Variants in SYT1 observed in about 807,000 individuals in gnomAD.
SYT1 encodes the protein synaptotagmin 1.
Under a neutral mutation model 44.8 loss-of-function variants are expected in SYT1, and 8 were observed. The ratio of observed to expected loss-of-function variants is 0.18; its 90% CI spans 0.10 to 0.32. The LOEUF (loss-of-function observed/expected upper bound fraction) is 0.32. SYT1 is among the 10% of genes least tolerant of loss of function. The pLI is 1.00. For synonymous variants in SYT1, 154 were observed against 188.8 expected, an observed-to-expected ratio of 0.82 and a Z score of 1.51; for missense variants, 286 against 509.3, an observed-to-expected ratio of 0.56 and a Z score of 4.22.
At chr12:78,992,526 G>A (rs1263377394) in intron 2 of SYT1, among the ~76,000 whole-genome samples, 1 of 152,202 alleles carries the variant, frequency 6.6e-6, no homozygotes, top group African/African-American at 2.4e-5. Context: ...ATTGCTTTGT[G>A]AAACTTTGTA....
intron 2 of SYT1, among the ~76,000 whole-genome samples, chr12:79,026,899 C>T (rs560291941): frequency 2.4e-4 from 36 of 150,926 alleles, no homozygotes; most frequent in Admixed American, 1.3e-3. Context: ...AAAAGATAAG[C>T]GATAACAAGT....
rs574099485 is a variant in SYT1 at position 79,291,271 on chromosome 12, T to C, written c.352-737T>C. Among the ~76,000 whole-genome samples the C allele has an allele frequency of 7.2e-5, 11 of 152,322 alleles. No individual in the cohort carries two copies. In the South Asian group the frequency reaches 1.0e-3, roughly 14 times the overall value. On this transcript the variant is annotated intron_variant, in intron 5 of 10. Transcript: ENST00000261205. ...TTCTTAAATACAAAACGAATTCTTA[T>C]GCCAATTTGTTTTTGACAGAACTGC... is the stretch of plus-strand genomic sequence containing the variant.
intron 9 of SYT1, among the ~76,000 whole-genome samples, chr12:79,384,897 T>C (rs1310562796): frequency 1.3e-5 from 2 of 152,178 alleles, no homozygotes; most frequent in Non-Finnish European, 2.9e-5. Context: ...CCCAAATCTT[T>C]GAATTATTGT....
chr12:79,198,745 A>G (rs1053149733), intron 3 of SYT1, among the ~76,000 whole-genome samples: 1 of 152,174 alleles, frequency 6.6e-6, no homozygotes, highest in Non-Finnish European at 1.5e-5. Flanking sequence ...AACAAGATGT[A>G]AGTGTGAAAA....
At position 79,322,537 on chromosome 12, in the gene SYT1, T is replaced by C. The variant is rs181968296; in HGVS notation, c.810+22986T>C. On this transcript the variant is annotated intron_variant, in intron 8 of 10. Transcript: ENST00000261205. ...CTTATGAGTGTATCAGTGAATATTATTAATATTGCCTCACATTTGCAGGAC... is the reference window on the plus strand; with the variant it reads ...CTTATGAGTGTATCAGTGAATATTACTAATATTGCCTCACATTTGCAGGAC... 1.8e-3 allele frequency among the ~76,000 whole-genome samples: 279 copies of C among 152,304 alleles called. 4 individuals are homozygous for C. The highest frequency in any genetic ancestry group is 1.0e-3 in the Non-Finnish European group (69 of 68,028).
chr12:79,382,281 A>G (rs915553703), intron 9 of SYT1, among the ~76,000 whole-genome samples: 2 of 152,182 alleles, frequency 1.3e-5, no homozygotes, highest in Non-Finnish European at 2.9e-5. Context: ...AGTGTGAAAG[A>G]GAGTGCTGCT....
At chr12:78,932,990 C>T (rs1219078468) in intron 1 of SYT1, among the ~76,000 whole-genome samples, 1 of 152,006 alleles carries the variant, frequency 6.6e-6, no homozygotes, top group Non-Finnish European at 1.5e-5. Context: ...CTTAAGACGT[C>T]CAAAAGTATA....
chr12:79,356,618 G>A (rs1883123702), intron 9 of SYT1, among the ~76,000 whole-genome samples: 2 of 152,172 alleles, frequency 1.3e-5, no homozygotes, highest in African/African-American at 2.4e-5. Flanking sequence ...AAATGCCAAA[G>A]TACATTTGCT....
intron 8 of SYT1, among the ~76,000 whole-genome samples, chr12:79,317,622 A>G (rs1231106730): frequency 6.6e-6 from 1 of 152,198 alleles, no homozygotes; most frequent in Non-Finnish European, 1.5e-5. Flanking sequence ...AAATGCTTAT[A>G]GGGCACTGTT....
At chr12:78,990,436 A>G (rs760854772) in intron 2 of SYT1, among the ~76,000 whole-genome samples, 3 of 152,176 alleles carry the variant, frequency 2.0e-5, no homozygotes, top group African/African-American at 4.8e-5. Context: ...CATTTAAACC[A>G]TGACTATCTG....
chr12:79,251,897 A>C (rs1003675182), intron 4 of SYT1, among the ~76,000 whole-genome samples: 42 of 142,980 alleles, frequency 2.9e-4, no homozygotes, highest in African/African-American at 1.1e-3. Context: ...TAACTGATAA[A>C]TATCTCCTAA....
intron 4 of SYT1, among the ~76,000 whole-genome samples, chr12:79,228,472 T>C (rs1198246715): frequency 6.6e-6 from 1 of 152,114 alleles, no homozygotes; most frequent in Non-Finnish European, 1.5e-5. Flanking sequence ...TTGGCCTTCA[T>C]CTACTGAAAA....
intron 5 of SYT1, chr12:79,291,766 C>G: frequency 3.3e-6 from 2 of 599,466 alleles, no homozygotes; most frequent in Non-Finnish European, 6.2e-6. Context: ...TTTTTGCTTG[C>G]AATATTCTGA....
intron 9 of SYT1, among the ~76,000 whole-genome samples, chr12:79,383,992 CCTAA>C (rs1884328699): frequency 6.6e-6 from 1 of 152,080 alleles, no homozygotes; most frequent in African/African-American, 2.4e-5. Flanking sequence ...TTATTTGTGT[CCTAA>C]CTATTTAAGT....
intron 1 of SYT1, among the ~76,000 whole-genome samples, chr12:78,892,347 T>A (rs1051380952): frequency 1.3e-5 from 2 of 151,758 alleles, no homozygotes; most frequent in Admixed American, 1.3e-4. Context: ...GTTCTGCACA[T>A]AATACTACTC....
chr12:79,308,068 C>A (rs1328496821), intron 8 of SYT1, among the ~76,000 whole-genome samples: 1 of 152,188 alleles, frequency 6.6e-6, no homozygotes, highest in Non-Finnish European at 1.5e-5. Flanking sequence ...CAGAGATTTA[C>A]AGCTCAAATA....
intron 4 of SYT1, among the ~76,000 whole-genome samples, chr12:79,241,491 C>T (rs185821600): frequency 1.4e-3 from 208 of 152,172 alleles, no homozygotes; most frequent in African/African-American, 4.6e-3. Flanking sequence ...AGGCTGGTCT[C>T]GAACTCCTGG....
chr12:79,432,939 A>C (rs1869884555), intron 9 of SYT1, among the ~76,000 whole-genome samples: 1 of 152,188 alleles, frequency 6.6e-6, no homozygotes, highest in Non-Finnish European at 1.5e-5. Flanking sequence ...CAGAGAAAGA[A>C]GCACTGAGAC....
In SYT1 at chr12:79,320,438, A is replaced by G. The variant is rs565089615; in HGVS notation, c.810+20887A>G. ...GCCTTGAGGTTTTTATGTCATCTTC[A>G]TAGGAATCATTTTGACCAATTTTAC... On this transcript the variant is annotated intron_variant, in intron 8 of 10. Coordinates refer to ENST00000261205, the MANE Select transcript of SYT1 (RefSeq NM_005639.3). Among the ~76,000 whole-genome samples the G allele has an allele frequency of 2.0e-5, 3 of 152,296 alleles. No individual in the cohort carries two copies. The South Asian group carries it at 6.2e-4, about 32-fold the overall frequency.
Sources: gnomAD v4.1 joint callset for allele counts (sites outside exome capture counted in the v4.1 genomes callset) on GRCh38, gnomAD v4.1.1 for gene constraint, MANE v1.5 for transcripts, NCBI Gene and HGNC (gene_info 2026-07-23, HGNC 2026-07-21) for gene names.